Variants in MINDY4 observed in about 807,000 individuals in gnomAD.
The protein encoded by MINDY4 is MINDY lysine 48 deubiquitinase 4.
In MINDY4, 68 loss-of-function variants were observed where a neutral mutation model predicts 87.0. The ratio of observed to expected loss-of-function variants is 0.78; its 90% CI spans 0.64 to 0.96. The LOEUF is 0.96. Ranked by LOEUF, MINDY4 falls within the 40% of genes least tolerant of loss-of-function variation. The pLI, the probability that MINDY4 is intolerant of heterozygous loss-of-function variation, is 0.00. For synonymous variants in MINDY4, 379 were observed against 363.2 expected (o/e 1.04, Z -0.50); for missense variants, 919 against 928.2 (o/e 0.99, Z 0.13).
At chr7:30,878,142 C>A (rs981675021) in intron 15 of MINDY4, among the ~76,000 whole-genome samples, 1 of 152,060 alleles carries the variant, frequency 6.6e-6, no homozygotes, top group Non-Finnish European at 1.5e-5. Flanking sequence ...TGGCCTGGCC[C>A]TCTCCTCAGG....
At chr7:30,823,453 C>G (rs933854148) in intron 5 of MINDY4, among the ~76,000 whole-genome samples, 1 of 152,116 alleles carries the variant, frequency 6.6e-6, no homozygotes, top group East Asian at 1.9e-4. Context: ...TTGCACTCCC[C>G]CCACCTTCTT....
rs201645679 is a variant in MINDY4, at chr7:30,828,736, C to T, written c.1131C>T (p.Leu377=). The T allele has an allele frequency of 3.0e-4, 479 of 1,612,602 alleles. No homozygotes were observed. The East Asian group carries it at 4.7e-3, about 16-fold the overall frequency. Residue 377 remains leucine (L), a splice_region_variant and synonymous_variant, in exon 6 of 18, where the codon CTC becomes CTT. Transcript: ENST00000265299. ...ATGGTGAGCTGGGTGCCCTGCGGCT[C>T]GGTAGGTGCAGCGGGTGCCTCTGTG... ...KVDGELGALR[L]EDVEDELIRE...
intron 13 of MINDY4, among the ~76,000 whole-genome samples, chr7:30,861,365 C>A (rs1340446042): frequency 6.6e-6 from 1 of 152,242 alleles, no homozygotes; most frequent in East Asian, 1.9e-4. Flanking sequence ...CGCATCGAGT[C>A]CACAGCAGCC....
chr7:30,849,401 G>A (rs116345294), intron 9 of MINDY4, among the ~76,000 whole-genome samples: 59 of 152,300 alleles, frequency 3.9e-4, no homozygotes, highest in African/African-American at 1.3e-3. Context: ...TCCAAGAGAA[G>A]CCTAGAAGTA....
chr7:30,851,768 C>T (rs989464684), intron 10 of MINDY4, among the ~76,000 whole-genome samples: 7 of 152,230 alleles, frequency 4.6e-5, no homozygotes, highest in Non-Finnish European at 8.8e-5. Context: ...AAACCCGGCT[C>T]CGATTCCTGG....
chr7:30,861,045 A>G (rs1355754062), intron 13 of MINDY4, among the ~76,000 whole-genome samples: 1 of 152,128 alleles, frequency 6.6e-6, no homozygotes, highest in Non-Finnish European at 1.5e-5. Flanking sequence ...AAAGACATGG[A>G]CACACACAGA....
chr7:30,884,326 G>A lies in MINDY4; in HGVS notation c.2225+1333G>A, dbSNP rs73689325. On this transcript the variant is annotated intron_variant, in intron 17 of 17. Coordinates refer to ENST00000265299, the MANE Select transcript of MINDY4 (RefSeq NM_032222.3). ...CATCCGTTCGTCCATCCACCTGCCC[G>A]CCCCCTGAGCCAGGGATGAAGCATT... is the stretch of plus-strand genomic sequence containing the variant. 8.0e-3 allele frequency among the ~76,000 whole-genome samples: 1,225 copies of A among 152,284 alleles called. 12 individuals are homozygous for A. The highest frequency in any genetic ancestry group is 0.028 in the African/African-American group (1,183 of 41,566).
chr7:30,843,009 T>C (rs1164407655), intron 9 of MINDY4, among the ~76,000 whole-genome samples: 2 of 152,148 alleles, frequency 1.3e-5, no homozygotes, highest in Non-Finnish European at 2.9e-5. Context: ...CTCTTGCTCA[T>C]CGATATGGTT....
Position 30,875,532 on chromosome 7 carries a change from C to G in MINDY4, c.1847C>G (p.Ser616Cys). 6.2e-7 allele frequency: 1 copy of G among 1,614,232 alleles called. No individual in the cohort carries two copies. Among genetic ancestry groups the G allele is most frequent in the Admixed American group, 1.7e-5 (1 of 60,026 alleles). The change falls in exon 15 of 18, where the codon TCC (serine) becomes TGC (cysteine). Residue 616 changes from serine to cysteine, a missense_variant. Coordinates refer to ENST00000265299, the MANE Select transcript of MINDY4 (RefSeq NM_032222.3). ...VNLLLTGKAV[S>C]NVFNDVVELD... ...CTGCTCCTGACTGGGAAAGCTGTGT[C>G]CAACGTTTTCAACGATGTGGTTGAG... is the stretch of plus-strand genomic sequence containing the variant.
intron 17 of MINDY4, among the ~76,000 whole-genome samples, chr7:30,890,047 T>C (rs180801101): frequency 8.0e-4 from 122 of 152,298 alleles, no homozygotes; most frequent in Non-Finnish European, 1.4e-3. Context: ...CAAAAGGCCA[T>C]ACAACCTGAT....
intron 5 of MINDY4, among the ~76,000 whole-genome samples, chr7:30,816,562 G>T (rs1053665464): frequency 4.6e-5 from 7 of 152,166 alleles, no homozygotes; most frequent in African/African-American, 1.4e-4. Flanking sequence ...GCCTGGGCCC[G>T]ATGGCTTTTC....
chr7:30,862,000 T>C (rs1789781139), intron 13 of MINDY4, among the ~76,000 whole-genome samples: 1 of 152,248 alleles, frequency 6.6e-6, no homozygotes, highest in African/African-American at 2.4e-5. Context: ...AGAGGTGTAC[T>C]TGAGAAGACA....
intron 6 of MINDY4, among the ~76,000 whole-genome samples, chr7:30,836,377 T>C (rs9655310): frequency 2.6e-5 from 4 of 152,192 alleles, no homozygotes; most frequent in Non-Finnish European, 5.9e-5. Context: ...TGCGTGGAAC[T>C]TTCTAGTGGA....
chr7:30,887,228 G>A (rs1013399263), intron 17 of MINDY4, among the ~76,000 whole-genome samples: 1 of 152,170 alleles, frequency 6.6e-6, no homozygotes, highest in African/African-American at 2.4e-5. Flanking sequence ...CATCGGAGGA[G>A]CATTCTCTGG....
chr7:30,847,381 G>C (rs1789253786), intron 9 of MINDY4, among the ~76,000 whole-genome samples: 1 of 152,174 alleles, frequency 6.6e-6, no homozygotes, highest in Non-Finnish European at 1.5e-5. Flanking sequence ...GAGGGGACAG[G>C]CCCTGCCCAA....
intron 17 of MINDY4, among the ~76,000 whole-genome samples, chr7:30,889,267 C>G (rs1435045580): frequency 1.3e-5 from 2 of 152,226 alleles, no homozygotes; most frequent in African/African-American, 4.8e-5. Flanking sequence ...ATCTCAAATG[C>G]TCATCGTGTT....
intron 4 of MINDY4, among the ~76,000 whole-genome samples, chr7:30,789,688 T>A (rs1787263052): frequency 6.6e-6 from 1 of 152,192 alleles, no homozygotes; most frequent in Admixed American, 6.5e-5. Context: ...GCCAGAACAC[T>A]ACAAAATTAA....
At chr7:30,838,566 G>A (rs535610000) in intron 7 of MINDY4, among the ~76,000 whole-genome samples, 1 of 152,276 alleles carries the variant, frequency 6.6e-6, no homozygotes, top group East Asian at 1.9e-4. Context: ...GCCATGGGTG[G>A]TATGGAAACA....
chr7:30,795,896 T>A (rs1446707157), intron 5 of MINDY4, among the ~76,000 whole-genome samples: 1 of 152,158 alleles, frequency 6.6e-6, no homozygotes, highest in Non-Finnish European at 1.5e-5. Context: ...TCTTCTGCTT[T>A]TGAGGACCTT....
Sources: allele counts gnomAD v4.1 joint callset (sites outside exome capture counted in the v4.1 genomes callset), GRCh38; gene constraint gnomAD v4.1.1; transcripts MANE v1.5; gene names NCBI Gene and HGNC (gene_info 2026-07-23, HGNC 2026-07-21).